Variants in RIC8B observed in about 807,000 individuals in gnomAD.
RIC8B encodes RIC8 guanine nucleotide exchange factor B.
In RIC8B, 16 loss-of-function variants were observed where a neutral mutation model predicts 57.5. The observed-to-expected ratio is 0.28, with a 90% CI of 0.19 to 0.42. The LOEUF is 0.42. Ranked by LOEUF, RIC8B falls within the 10% of genes least tolerant of loss-of-function variation. The pLI, the probability that RIC8B is intolerant of heterozygous loss-of-function variation, is 1.00. For missense variants in RIC8B, 481 were observed against 677.0 expected (o/e 0.71, Z 3.21); for synonymous variants, 216 against 250.8 (o/e 0.86, Z 1.31).
rs764353661 is a variant in RIC8B at position 106,814,756 on chromosome 12, T to C, written c.193T>C (p.Ser65Pro). 5 of 1,614,014 alleles carry C rather than the reference T, an allele frequency of 3.1e-6. No homozygotes were observed. Among genetic ancestry groups the C allele is most frequent in the Non-Finnish European group, 4.2e-6 (5 of 1,179,912 alleles). Residue 65 changes from serine (S) to proline (P), a missense_variant, in exon 3 of 10, where the codon TCC becomes CCC. This residue lies in a region of RIC8B where 421 missense variants were observed against 560.9 expected (regional missense o/e 0.75). Transcript: ENST00000392837. ...GGACATCCCAACAACATGTCAAGTG[T>C]CCTGCCTGGAAGTACTCCGCATTCT... Reference protein sequence around the residue: ...IKDIPTTCQVSCLEVLRILSR... With the variant: ...IKDIPTTCQVPCLEVLRILSR...
intron 4 of RIC8B, among the ~76,000 whole-genome samples, chr12:106,840,231 A>G (rs900017513): frequency 3.3e-5 from 5 of 152,144 alleles, no homozygotes; most frequent in Non-Finnish European, 5.9e-5. Context: ...CGATTCACAG[A>G]GGACTAGATT....
intron 1 of RIC8B, among the ~76,000 whole-genome samples, chr12:106,779,009 GTTCGAATGA>G (rs1474269087): frequency 6.6e-6 from 1 of 152,128 alleles, no homozygotes; most frequent in African/African-American, 2.4e-5. Flanking sequence ...TGCCTCCTGG[GTTCGAATGA>G]TTCTCCTGCT....
intron 9 of RIC8B, among the ~76,000 whole-genome samples, chr12:106,876,896 C>T (rs1375812145): frequency 6.6e-6 from 1 of 151,962 alleles, no homozygotes; most frequent in Non-Finnish European, 1.5e-5. Flanking sequence ...GGCATGCTGA[C>T]CTATTAATAT....
At chr12:106,852,167 TA>T (rs1209915594) in intron 7 of RIC8B, among the ~76,000 whole-genome samples, 1 of 152,248 alleles carries the variant, frequency 6.6e-6, no homozygotes, top group Non-Finnish European at 1.5e-5. Flanking sequence ...TAAGTGTATA[TA>T]AAGTGATTGT....
chr12:106,861,150 T>A (rs1359924262), intron 8 of RIC8B, among the ~76,000 whole-genome samples: 1 of 152,070 alleles, frequency 6.6e-6, no homozygotes, highest in South Asian at 2.1e-4. Flanking sequence ...TAGGAGTTAT[T>A]TGAGCTATGT....
intron 1 of RIC8B, among the ~76,000 whole-genome samples, chr12:106,775,991 TGGCATACTGGTGGC>T (rs2043459223): frequency 6.6e-6 from 1 of 152,196 alleles, no homozygotes; most frequent in Admixed American, 6.5e-5. Flanking sequence ...GGGGCAGAAA[TGGCATACTGGTGGC>T]TGAATTCCCG....
At chr12:106,803,025 G>A (rs1397647794) in intron 2 of RIC8B, among the ~76,000 whole-genome samples, 2 of 151,762 alleles carry the variant, frequency 1.3e-5, no homozygotes, top group Non-Finnish European at 2.9e-5. Context: ...ACCAGCCTGG[G>A]CAGCATAGCA....
intron 4 of RIC8B, among the ~76,000 whole-genome samples, chr12:106,836,753 CTCA>C (rs2046617806): frequency 6.6e-6 from 1 of 152,192 alleles, no homozygotes; most frequent in Admixed American, 6.5e-5. Context: ...TTAAGAGGAT[CTCA>C]TCATGCAAAA....
intron 9 of RIC8B, among the ~76,000 whole-genome samples, chr12:106,877,242 A>AT (rs1211576233): frequency 6.6e-6 from 1 of 152,114 alleles, no homozygotes; most frequent in Non-Finnish European, 1.5e-5. Context: ...AGCGTCAGGT[A>AT]TTTTTTTAAG....
At chr12:106,884,966 TGATA>T (rs1951109036) in intron 9 of RIC8B, among the ~76,000 whole-genome samples, 1 of 152,146 alleles carries the variant, frequency 6.6e-6, no homozygotes, top group South Asian at 2.1e-4. Flanking sequence ...CCCATTTCTG[TGATA>T]AATAAGTTTT....
chr12:106,774,874 C>G, intron 1 of RIC8B, 45 bp downstream of exon 1: 1 of 1,440,760 alleles, frequency 6.9e-7, no homozygotes, highest in Non-Finnish European at 9.4e-7. Flanking sequence ...ACCCCCGGGC[C>G]GCCCTCCGTG....
chr12:106,841,213 A>T (rs1874450270), intron 4 of RIC8B, among the ~76,000 whole-genome samples: 1 of 152,216 alleles, frequency 6.6e-6, no homozygotes, highest in Non-Finnish European at 1.5e-5. Flanking sequence ...GAGGGCAATC[A>T]AATAACTTGT....
At chr12:106,851,413 C>T (rs1949473993) in intron 6 of RIC8B, 37 bp from the exon 7 acceptor site, 1 of 1,590,284 alleles carries the variant, frequency 6.3e-7, no homozygotes, top group Admixed American at 1.7e-5. Flanking sequence ...ACTCTAGTAG[C>T]CTCGATTGAT....
chr12:106,790,583 G>T (rs946877008), intron 2 of RIC8B, among the ~76,000 whole-genome samples: 1 of 151,984 alleles, frequency 6.6e-6, no homozygotes, highest in Non-Finnish European at 1.5e-5. Context: ...ATGTAGGATT[G>T]GTGGGGAGGA....
intron 4 of RIC8B, among the ~76,000 whole-genome samples, chr12:106,838,884 G>A (rs912577933): frequency 1.5e-4 from 22 of 149,556 alleles, no homozygotes; most frequent in Admixed American, 1.2e-3. Context: ...TTTAACCAAC[G>A]AAGACATGCA....
At chr12:106,880,014 C>A in intron 9 of RIC8B, 1 of 920,832 alleles carries the variant, frequency 1.1e-6, no homozygotes, top group Non-Finnish European at 1.3e-6. Flanking sequence ...TATACAGTAT[C>A]TCCGTTTTAC....
intron 1 of RIC8B, among the ~76,000 whole-genome samples, chr12:106,783,282 G>A (rs1288934188): frequency 6.6e-6 from 1 of 152,006 alleles, no homozygotes; most frequent in South Asian, 2.1e-4. Flanking sequence ...AACTGTCACA[G>A]TCTCTCTATG....
Position 106,879,296 on chromosome 12 carries a change from G to A in RIC8B, c.1572-6608G>A, listed in dbSNP as rs771388206. The A allele has an allele frequency of 9.0e-5, 89 of 985,226 alleles. No individual in the cohort carries two copies. Among genetic ancestry groups the A allele is most frequent in the Non-Finnish European group, 1.0e-4 (87 of 829,906 alleles). 61.0% of individuals were successfully genotyped at this position (985,226 alleles called of 1,614,324 possible). A position where few individuals can be genotyped will look rare whatever the true frequency, so the allele number is the denominator to read the frequency against. On this transcript the variant is annotated intron_variant, in intron 9 of 9. Transcript: ENST00000392837. This position sits in a 1 kb window ranked among gnomAD's most constrained non-coding sequence, Gnocchi z 4.9. The stretch of plus-strand genomic sequence containing the variant: ...GAGTATTCTCTTGCTTTCAGGTCAA[G>A]TAAAGTGTTTTATACACATACACGT...
chr12:106,857,391 AT>A (rs1428300717), intron 7 of RIC8B, among the ~76,000 whole-genome samples: 4 of 152,126 alleles, frequency 2.6e-5, no homozygotes, highest in Non-Finnish European at 4.4e-5. Flanking sequence ...TATTGCTTTT[AT>A]TTTAGAGTGT....
Sources: gnomAD v4.1 joint callset for allele counts (sites outside exome capture counted in the v4.1 genomes callset) on GRCh38, gnomAD v4.1.1 for gene constraint, gnomAD v4.1.1 regional missense constraint, Gnocchi (gnomAD v3.1) non-coding constraint, MANE v1.5 for transcripts, NCBI Gene and HGNC (gene_info 2026-07-23, HGNC 2026-07-21) for gene names.